The following OXCT1 variants were observed in gnomAD, a reference collection of about 807,000 sequenced individuals.
OXCT1 encodes the protein 3-oxoacid CoA-transferase 1.
A neutral mutation model predicts 69.6 loss-of-function variants in OXCT1; 27 were observed. The ratio of observed to expected loss-of-function variants is 0.39; its 90% CI spans 0.29 to 0.54. OXCT1 has a LOEUF of 0.54. OXCT1 is among the 20% of genes least tolerant of loss of function. The probability of loss-of-function intolerance (pLI) is 0.72; values close to 1 mark genes in which losing one functional copy is unlikely to be tolerated. For synonymous variants in OXCT1, 202 were observed against 217.8 expected, an observed-to-expected ratio of 0.93 and a Z score of 0.64; for missense variants, 437 against 650.2, an observed-to-expected ratio of 0.67 and a Z score of 3.57.
intron 13 of OXCT1, among the ~76,000 whole-genome samples, chr5:41,793,626 C>A (rs1345215018): frequency 1.3e-5 from 2 of 152,176 alleles, no homozygotes; most frequent in East Asian, 3.8e-4. Context: ...TAACAATTAG[C>A]AAAGTTAATT....
intron 1 of OXCT1, among the ~76,000 whole-genome samples, chr5:41,868,934 T>G (rs1303899411): frequency 6.6e-6 from 1 of 152,182 alleles, no homozygotes; most frequent in Non-Finnish European, 1.5e-5. Flanking sequence ...ATACTCAAGA[T>G]GGAAAAGACT....
intron 1 of OXCT1, among the ~76,000 whole-genome samples, chr5:41,868,579 C>T (rs1401796868): frequency 5.9e-5 from 9 of 151,974 alleles, no homozygotes; most frequent in African/African-American, 2.2e-4. Context: ...AAAAATTAGC[C>T]GGGCGTAGTG....
intron 9 of OXCT1, among the ~76,000 whole-genome samples, chr5:41,803,929 C>T (rs1746544118): frequency 6.6e-6 from 1 of 152,078 alleles, no homozygotes; most frequent in Non-Finnish European, 1.5e-5. Flanking sequence ...CTGCCTGGAA[C>T]TACTGCCCAC....
At chr5:41,769,081 G>T (rs1280775928) in intron 13 of OXCT1, among the ~76,000 whole-genome samples, 1 of 152,122 alleles carries the variant, frequency 6.6e-6, no homozygotes, top group Non-Finnish European at 1.5e-5. Flanking sequence ...AGTGTTCACA[G>T]ACCTCTGTCC....
intron 6 of OXCT1, among the ~76,000 whole-genome samples, chr5:41,842,050 G>A (rs1308023230): frequency 6.6e-6 from 1 of 152,142 alleles, no homozygotes; most frequent in African/African-American, 2.4e-5. Flanking sequence ...ACACTCAAAG[G>A]TTTCATATTC....
At chr5:41,839,548 T>G (rs1040427650) in intron 7 of OXCT1, among the ~76,000 whole-genome samples, 2 of 152,186 alleles carry the variant, frequency 1.3e-5, no homozygotes, top group African/African-American at 4.8e-5. Flanking sequence ...GAAAGTAACA[T>G]ATACTTCAGC....
intron 13 of OXCT1, among the ~76,000 whole-genome samples, chr5:41,764,096 GC>G (rs1744481110): frequency 6.6e-6 from 1 of 152,108 alleles, no homozygotes; most frequent in South Asian, 2.1e-4. Context: ...AAGAGATTCA[GC>G]TGGCTTGATG....
intron 7 of OXCT1, among the ~76,000 whole-genome samples, chr5:41,838,368 C>T (rs536776342): frequency 7.7e-4 from 118 of 152,260 alleles, no homozygotes; most frequent in African/African-American, 2.7e-3. Context: ...CATGTTTCTA[C>T]TATGTATACT....
intron 1 of OXCT1, among the ~76,000 whole-genome samples, chr5:41,869,299 G>A (rs1197556518): frequency 1.3e-4 from 20 of 152,210 alleles, no homozygotes; most frequent in Admixed American, 1.3e-3. Flanking sequence ...CGTGTGCATG[G>A]CACGCTGTCA....
At chr5:41,850,218 C>G in intron 4 of OXCT1, 39 bp from the exon 5 acceptor site, 1 of 1,610,620 alleles carries the variant, frequency 6.2e-7, no homozygotes, top group African/African-American at 1.3e-5. Flanking sequence ...GTTCACTAAG[C>G]ACACTTCTCT....
intron 14 of OXCT1, among the ~76,000 whole-genome samples, chr5:41,751,259 C>T (rs1191455223): frequency 2.6e-5 from 4 of 152,110 alleles, no homozygotes; most frequent in Admixed American, 1.3e-4. Flanking sequence ...TATCTGCCAG[C>T]CACTGAAGAA....
At chr5:41,799,120 ATAT>A (rs1280532566) in intron 11 of OXCT1, among the ~76,000 whole-genome samples, 2 of 152,226 alleles carry the variant, frequency 1.3e-5, no homozygotes, top group Non-Finnish European at 2.9e-5. Flanking sequence ...GGAAATAGTT[ATAT>A]TATTATTTTG....
chr5:41,801,179 G>A (rs1378607290), intron 10 of OXCT1, 109 bp from the exon 11 acceptor site: 12 of 867,092 alleles, frequency 1.4e-5, no homozygotes, highest in South Asian at 4.3e-5. Flanking sequence ...TTTATCATCC[G>A]AAGACTTGAG....
chr5:41,742,258 A>G lies in OXCT1; in HGVS notation c.1420-2767T>C, dbSNP rs184717896. On this transcript the variant is annotated intron_variant, in intron 15 of 16. Transcript: ENST00000196371. ...AAGGAAACTTACTTTTGAAATATTTAGGAAACTTTCCATTTAGTGATATAA... is the reference window on the plus strand; with the variant it reads ...AAGGAAACTTACTTTTGAAATATTTGGGAAACTTTCCATTTAGTGATATAA... Among the ~76,000 whole-genome samples, 1,086 of 152,356 alleles carry G rather than the reference A, an allele frequency of 7.1e-3. 6 individuals are homozygous for G. The highest frequency in any genetic ancestry group is 0.031 in the Middle Eastern group (9 of 294).
At chr5:41,808,614 T>C (rs544334463) in intron 7 of OXCT1, among the ~76,000 whole-genome samples, 25 of 151,968 alleles carry the variant, frequency 1.6e-4, no homozygotes, top group Non-Finnish European at 3.7e-4. Flanking sequence ...GGTCAGAAAA[T>C]ATGTCGGCAT....
chr5:41,762,283 A>G lies in OXCT1; in HGVS notation c.1249-83T>C. 2 of 1,060,732 alleles carry G rather than the reference A, an allele frequency of 1.9e-6. No individual in the cohort carries two copies. The highest frequency in any genetic ancestry group is 1.2e-5 in the South Asian group (1 of 80,120). 65.7% of individuals were successfully genotyped at this position (1,060,732 alleles called of 1,614,324 possible). ...CAAAATTAACTTGCAAAAATAAGCT[A>G]CTAGAATCATTAAAAACTCATTGTC... On this transcript the variant is annotated intron_variant, in intron 13 of 16. Transcript: ENST00000196371. The surrounding 1 kb of genome is among the most constrained non-coding windows in gnomAD (Gnocchi z 4.0).
chr5:41,791,630 A>G (rs1745920745), intron 13 of OXCT1, among the ~76,000 whole-genome samples: 1 of 152,192 alleles, frequency 6.6e-6, no homozygotes, highest in Non-Finnish European at 1.5e-5. Flanking sequence ...CCCGAAGGGA[A>G]GAAGATATTT....
At chr5:41,809,983 T>C (rs1407232465) in intron 7 of OXCT1, among the ~76,000 whole-genome samples, 1 of 151,998 alleles carries the variant, frequency 6.6e-6, no homozygotes, top group East Asian at 1.9e-4. Flanking sequence ...AAATCAAAGC[T>C]TTCTCAGAGT....
intron 1 of OXCT1, among the ~76,000 whole-genome samples, chr5:41,866,497 G>C (rs904486857): frequency 4.0e-4 from 61 of 152,204 alleles, no homozygotes; most frequent in Non-Finnish European, 1.9e-4. Flanking sequence ...GAGAAGTAAA[G>C]AGATACACGT....
Sources: gnomAD v4.1 joint callset for allele counts (sites outside exome capture counted in the v4.1 genomes callset) on GRCh38, gnomAD v4.1.1 for gene constraint, Gnocchi (gnomAD v3.1) non-coding constraint, MANE v1.5 for transcripts, NCBI Gene and HGNC (gene_info 2026-07-23, HGNC 2026-07-21) for gene names.